The following PDE4D variants were observed in gnomAD, a reference collection of about 807,000 sequenced individuals.
PDE4D encodes phosphodiesterase 4D.
PDE4D carries 24 observed loss-of-function variants against 87.4 expected under a neutral mutation model. The ratio of observed to expected loss-of-function variants is 0.27; its 90% confidence interval spans 0.20 to 0.39. The LOEUF is 0.39. Among genes scored for constraint, PDE4D ranks in the 10% least tolerant of loss-of-function variants. The pLI is 1.00. For synonymous variants in PDE4D, 384 were observed against 383.2 expected, an observed-to-expected ratio of 1.00 and a Z score of -0.02; for missense variants, 714 against 1,041.0, an observed-to-expected ratio of 0.69 and a Z score of 4.32.
At chr5:59,071,165 G>T (rs781176574) in intron 5 of PDE4D, among the ~76,000 whole-genome samples, 7 of 152,124 alleles carry the variant, frequency 4.6e-5, no homozygotes, top group Non-Finnish European at 7.4e-5. Flanking sequence ...GTTTCAAAAC[G>T]AATCTTCAGA....
chr5:59,927,086 A>G (rs1205892698), intron 3 of PDE4D, among the ~76,000 whole-genome samples: 1 of 152,190 alleles, frequency 6.6e-6, no homozygotes, highest in Non-Finnish European at 1.5e-5. Context: ...CATGAACTAA[A>G]GGAAGAGTGG....
intron 1 of PDE4D, among the ~76,000 whole-genome samples, chr5:59,727,561 CA>C (rs1353700134): frequency 6.6e-6 from 1 of 151,818 alleles, no homozygotes; most frequent in Non-Finnish European, 1.5e-5. Flanking sequence ...CATAAACAAA[CA>C]AATAAAAAAG....
chr5:60,367,113 G>A (rs1252759109), intron 1 of PDE4D, among the ~76,000 whole-genome samples: 6 of 151,926 alleles, frequency 3.9e-5, no homozygotes, highest in African/African-American at 1.5e-4. Context: ...GTTGTTGTTG[G>A]GAGATAAAAA....
At chr5:59,820,693 A>C (rs1769540038) in intron 1 of PDE4D, among the ~76,000 whole-genome samples, 1 of 152,228 alleles carries the variant, frequency 6.6e-6, no homozygotes, top group African/African-American at 2.4e-5. Context: ...GTTTTGCAAA[A>C]AAATGAAAGA....
At chr5:60,135,631 G>T (rs1440984046) in intron 2 of PDE4D, among the ~76,000 whole-genome samples, 3 of 152,176 alleles carry the variant, frequency 2.0e-5, no homozygotes, top group Admixed American at 2.0e-4. Context: ...TGCATTTGTA[G>T]AAAGAAGTTA....
intron 1 of PDE4D, among the ~76,000 whole-genome samples, chr5:59,309,564 G>T (rs1772152734): frequency 6.6e-6 from 1 of 152,170 alleles, no homozygotes; most frequent in African/African-American, 2.4e-5. Flanking sequence ...GGAGAGGAGG[G>T]TCTCCCTTTC....
At chr5:59,466,967 G>A (rs1801670954) in intron 1 of PDE4D, among the ~76,000 whole-genome samples, 1 of 152,152 alleles carries the variant, frequency 6.6e-6, no homozygotes, top group Non-Finnish European at 1.5e-5. Flanking sequence ...TGGAGACAGG[G>A]TTTAAAGGAG....
chr5:59,872,262 TACACACAC>T lies in PDE4D; in HGVS notation c.455+20898_455+20905del, dbSNP rs71606610. 1.8e-3 allele frequency among the ~76,000 whole-genome samples: 231 copies of T among 131,812 alleles called. 1 individual carries two copies. The highest frequency in any genetic ancestry group is 4.1e-3 in the African/African-American group (131 of 31,988). The allele number at this position is 131,812 out of a possible 152,430, so 86.5% of individuals were successfully genotyped here. ...ACTGATGGATTCACAACAGAAGAGTTACACACACACACACACACACACACACACACACA... is the reference window on the plus strand; with the variant it reads ...ACTGATGGATTCACAACAGAAGAGTTACACACACACACACACACACACACA... On this transcript the variant is annotated intron_variant, in intron 1 of 14. Coordinates refer to ENST00000340635, the MANE Select transcript of PDE4D (RefSeq NM_001104631.2).
intron 1 of PDE4D, among the ~76,000 whole-genome samples, chr5:59,574,077 TATATA>T (rs1561240433): frequency 6.3e-5 from 1 of 15,922 alleles, no homozygotes; most frequent in East Asian, 1.6e-3. Context: ...TATATTTATA[TATATA>T]TTTATATATA....
chr5:59,630,922 T>C (rs1202543663), intron 1 of PDE4D, among the ~76,000 whole-genome samples: 1 of 152,138 alleles, frequency 6.6e-6, no homozygotes, highest in Non-Finnish European at 1.5e-5. Flanking sequence ...ACGCTCGGTT[T>C]TTTTTCCCTA....
At chr5:60,174,909 A>G (rs909180639) in intron 2 of PDE4D, among the ~76,000 whole-genome samples, 1 of 152,014 alleles carries the variant, frequency 6.6e-6, no homozygotes, top group Non-Finnish European at 1.5e-5. Flanking sequence ...TTATTTTGGT[A>G]TATATCTTGC....
intron 1 of PDE4D, among the ~76,000 whole-genome samples, chr5:59,257,339 C>T (rs1761170666): frequency 2.0e-5 from 3 of 152,066 alleles, no homozygotes; most frequent in South Asian, 2.1e-4. Context: ...CCACATACAT[C>T]CTGAGCAGTC....
At chr5:59,947,539 G>A (rs1757851758) in intron 3 of PDE4D, among the ~76,000 whole-genome samples, 1 of 152,174 alleles carries the variant, frequency 6.6e-6, no homozygotes, top group Non-Finnish European at 1.5e-5. Flanking sequence ...TAGATGTTTA[G>A]TTCATCCTGA....
chr5:59,051,756 A>C (rs1242287174), intron 5 of PDE4D, among the ~76,000 whole-genome samples: 1 of 152,246 alleles, frequency 6.6e-6, no homozygotes, highest in Non-Finnish European at 1.5e-5. Context: ...CCTCTTGAAG[A>C]ATACCTGGAA....
At position 59,996,732 on chromosome 5, in the gene PDE4D, A is replaced by C. The variant is rs1763559756; in HGVS notation, c.43-8015T>G. On this transcript the variant is annotated intron_variant, in intron 2 of 16. Coordinates refer to the PDE4D transcript ENST00000502484. ...AAGGCAATAAACATCCTGTCCTTTA[A>C]TATAGAAAAGGGCATTGTATCGACT... Among the ~76,000 whole-genome samples, 4 of 152,336 alleles carry C rather than the reference A, an allele frequency of 2.6e-5. 1 individual carries two copies. In the South Asian group the frequency reaches 8.3e-4, roughly 32 times the overall value.
At chr5:59,421,037 G>C (rs1368167665) in intron 1 of PDE4D, among the ~76,000 whole-genome samples, 2 of 152,130 alleles carry the variant, frequency 1.3e-5, no homozygotes, top group Non-Finnish European at 2.9e-5. Flanking sequence ...AAATCAATGA[G>C]TAAATGCCGT....
intron 5 of PDE4D, among the ~76,000 whole-genome samples, chr5:59,113,485 C>T (rs188390884): frequency 4.6e-5 from 7 of 152,312 alleles, no homozygotes; most frequent in Admixed American, 2.6e-4. Flanking sequence ...TAATCACCGA[C>T]ATGAATGAAA....
chr5:59,410,480 C>A (rs1453688783), intron 1 of PDE4D, among the ~76,000 whole-genome samples: 2 of 152,182 alleles, frequency 1.3e-5, no homozygotes, highest in Non-Finnish European at 2.9e-5. Flanking sequence ...CTCCTGGCCT[C>A]AAGCAATCTG....
At chr5:59,063,759 G>A (rs1172374596) in intron 5 of PDE4D, among the ~76,000 whole-genome samples, 1 of 152,048 alleles carries the variant, frequency 6.6e-6, no homozygotes, top group Non-Finnish European at 1.5e-5. Context: ...ATTTTTTATT[G>A]CCTTAAAAAG....
Sources: gnomAD v4.1 joint callset for allele counts (sites outside exome capture counted in the v4.1 genomes callset) on GRCh38, gnomAD v4.1.1 for gene constraint, MANE v1.5 for transcripts, NCBI Gene and HGNC (gene_info 2026-07-23, HGNC 2026-07-21) for gene names.